RGL3: variants seen among roughly 807,000 people sequenced by gnomAD.
The protein encoded by RGL3 is ral guanine nucleotide dissociation stimulator like 3.
In RGL3, 85 loss-of-function variants were observed where a neutral mutation model predicts 90.6. That is an observed-to-expected ratio of 0.94 (90% CI 0.79 to 1.12). The LOEUF is 1.12. RGL3 is among the 50% of genes most tolerant of loss of function. The pLI is 0.00. For synonymous variants in RGL3, 408 were observed against 385.5 expected (o/e 1.06, Z -0.68); for missense variants, 1,034 against 939.2 (o/e 1.10, Z -1.32).
intron 2 of RGL3, among the ~76,000 whole-genome samples, chr19:11,417,703 C>T (rs1969028477): frequency 6.6e-6 from 1 of 151,792 alleles, no homozygotes; most frequent in South Asian, 2.1e-4. Flanking sequence ...AACTCCTGAC[C>T]TGATGATCCA....
In RGL3 at chr19:11,418,066, C is replaced by T. The variant is rs113628608; in HGVS notation, c.147+605G>A. ...CTGGTCTCCAATTCCTGGCCTTCTG[C>T]CTTGGTCTCTCGAAGCGCAGGGATT... is the stretch of plus-strand genomic sequence containing the variant. On this transcript the variant is annotated intron_variant, in intron 2 of 18. Transcript: ENST00000380456. Among the ~76,000 whole-genome samples the T allele has an allele frequency of 7.0e-3, 1,067 of 152,080 alleles. 14 individuals carry two copies. Among genetic ancestry groups the T allele is most frequent in the African/African-American group, 0.024 (1,011 of 41,474 alleles).
intron 5 of RGL3, among the ~76,000 whole-genome samples, chr19:11,409,839 A>G (rs1411882562): frequency 1.3e-5 from 2 of 152,168 alleles, no homozygotes; most frequent in Admixed American, 1.3e-4. Context: ...CTAGTGGGGC[A>G]TACCCAAGCA....
At chr19:11,413,836 C>T (rs1327930155) in intron 5 of RGL3, among the ~76,000 whole-genome samples, 4 of 148,838 alleles carry the variant, frequency 2.7e-5, no homozygotes, top group Non-Finnish European at 4.5e-5. Flanking sequence ...CTCCGCCTCC[C>T]AGGTTCGCGC....
rs1238303328 is a variant in RGL3, at chr19:11,405,106, T to C, written c.1185+41A>G. ...CCTGGCCCCAAGTCCCTCCCCCGAC[T>C]TCCCGGGCCTAAAATCCCTGGAGTC... On this transcript the variant is annotated intron_variant, in intron 9 of 18. Coordinates refer to ENST00000380456, the MANE Select transcript of RGL3 (RefSeq NM_001035223.4). The C allele has an allele frequency of 1.9e-6, 3 of 1,569,092 alleles. No individual in the cohort carries two copies. In the African/African-American group the frequency reaches 4.1e-5, roughly 21 times the overall value.
chr19:11,414,306 C>CATAT (rs58510644), intron 5 of RGL3, among the ~76,000 whole-genome samples: 3 of 48,744 alleles, frequency 6.2e-5, no homozygotes, highest in African/African-American at 3.3e-4. Context: ...CATATATATA[C>CATAT]ATATATATAT....
Position 11,406,871 on chromosome 19 carries a change from A to G in RGL3, c.638-7T>C, listed in dbSNP as rs1230865854. The G allele has an allele frequency of 3.1e-6, 5 of 1,604,512 alleles. No homozygotes were observed. Among genetic ancestry groups the G allele is most frequent in the African/African-American group, 2.7e-5 (2 of 74,710 alleles). The stretch of plus-strand genomic sequence containing the variant: ...TGGGCAACTCTGGGAGGTCCTGATC[A>G]TTAGAAAGGGTTACAAACTCTCAAG... On this transcript the variant is annotated splice_region_variant and splice_polypyrimidine_tract_variant and intron_variant, in intron 5 of 18. Transcript: ENST00000380456.
chr19:11,416,246 T>C, intron 4 of RGL3, 98 bp from the exon 5 acceptor site: 20 of 837,002 alleles, frequency 2.4e-5, no homozygotes, highest in Non-Finnish European at 3.3e-5. Flanking sequence ...TGAGATAGAG[T>C]CTTACTGTGT....
intron 5 of RGL3, among the ~76,000 whole-genome samples, chr19:11,413,231 G>GAAAAA (rs765531257): frequency 2.2e-5 from 2 of 89,206 alleles, no homozygotes; most frequent in African/African-American, 4.6e-5. Context: ...TTTTGAAAAA[G>GAAAAA]AAAAAAAAAA....
chr19:11,395,811 T>A (rs1023475788), intron 18 of RGL3, among the ~76,000 whole-genome samples: 28 of 151,918 alleles, frequency 1.8e-4, no homozygotes, highest in Admixed American at 2.0e-4. Flanking sequence ...GTATTTTTAG[T>A]AGAGACGAGG....
At position 11,416,086 on chromosome 19, in the gene RGL3, G is replaced by A; in HGVS notation, c.488C>T (p.Pro163Leu). Reference protein sequence around the residue: ...QDHPQDFRDHPAHSDLGSVRT... With the variant: ...QDHPQDFRDHLAHSDLGSVRT... ...GACACTGCCCAGGTCCGAATGGGCAGGGTGGTCTCGGAAATCCTGAGGGTG... is the reference window on the plus strand; with the variant it reads ...GACACTGCCCAGGTCCGAATGGGCAAGGTGGTCTCGGAAATCCTGAGGGTG... The change falls in exon 5 of 19, where the codon CCT becomes CTT. Residue 163 changes from proline (P) to leucine (L), a missense_variant. Physicochemically the swap from Pro to Leu is moderately conservative, Grantham distance 98. Transcript: ENST00000380456. 6.2e-7 allele frequency: 1 copy of A among 1,609,302 alleles called. No individual in the cohort carries two copies. The highest frequency in any genetic ancestry group is 8.5e-7 in the Non-Finnish European group (1 of 1,178,188).
chr19:11,406,905 C>G (rs769235202), intron 5 of RGL3, 41 bp from the exon 6 acceptor site: 2 of 1,583,040 alleles, frequency 1.3e-6, no homozygotes, highest in Admixed American at 1.7e-5. Context: ...AGTTTGAATC[C>G]AAGACTGGCT....
chr19:11,414,280 T>C lies in RGL3; in HGVS notation c.637+1657A>G, dbSNP rs1399371499. On this transcript the variant is annotated intron_variant, in intron 5 of 18. Coordinates refer to ENST00000380456, the MANE Select transcript of RGL3 (RefSeq NM_001035223.4). ...ATATACCTTTATATATATATACCTT[T>C]ATATATATATACCTTCATATATATA... 8.1e-5 allele frequency among the ~76,000 whole-genome samples: 7 copies of C among 86,076 alleles called. 1 individual carries two copies. The highest frequency in any genetic ancestry group is 8.9e-4 in the East Asian group (2 of 2,258). 56.5% of individuals were successfully genotyped at this position (86,076 alleles called of 152,430 possible).
intron 18 of RGL3, among the ~76,000 whole-genome samples, chr19:11,395,426 G>T (rs1387972006): frequency 2.0e-5 from 3 of 152,066 alleles, no homozygotes. Flanking sequence ...TGCTTCCGCG[G>T]CTATCCATTT....
chr19:11,414,507 A>ATATATATATATATATACCTT (rs1968955534), intron 5 of RGL3, among the ~76,000 whole-genome samples: 1 of 112,300 alleles, frequency 8.9e-6, no homozygotes, highest in African/African-American at 3.7e-5. Flanking sequence ...ATATATATAT[A>ATATATATATATATATACCTT]TATATATATA....
chr19:11,416,686 G>C lies in RGL3; in HGVS notation c.372-19C>G. ...CTCTACCCTGGGAAGAGGCCCCCCA[G>C]CAGGTGAAGAAGGGGGAACCTAGAG... On this transcript the variant is annotated intron_variant, in intron 3 of 18. Coordinates refer to ENST00000380456, the MANE Select transcript of RGL3 (RefSeq NM_001035223.4). 2 of 1,613,338 alleles carry C rather than the reference G, an allele frequency of 1.2e-6. No homozygotes were observed. The highest frequency in any genetic ancestry group is 8.5e-7 in the Non-Finnish European group (1 of 1,179,276).
At chr19:11,401,435 G>C (rs548607441) in intron 13 of RGL3, among the ~76,000 whole-genome samples, 6 of 139,764 alleles carry the variant, frequency 4.3e-5, no homozygotes, top group Non-Finnish European at 6.1e-5. Flanking sequence ...TCGCTCTGTT[G>C]CCCAGGCTGG....
intron 18 of RGL3, among the ~76,000 whole-genome samples, chr19:11,396,100 A>ATCTCTCTCTCTC (rs66711304): frequency 2.1e-4 from 7 of 33,932 alleles, no homozygotes; most frequent in African/African-American, 7.5e-4. Flanking sequence ...TGCTCAGCTA[A>ATCTCTCTCTCTC]TCTCTCTCTC....
At chr19:11,402,164 G>GGCCCCCCCCCCC in intron 12 of RGL3, 32 bp from the exon 13 acceptor site, 1 of 1,585,730 alleles carries the variant, frequency 6.3e-7, no homozygotes, top group Non-Finnish European at 8.6e-7. Context: ...CCCTACCCCT[G>GGCCCCCCCCCCC]CCCCACCCCC....
At position 11,406,539 on chromosome 19, in the gene RGL3, G is replaced by C. The variant is rs1221717156; in HGVS notation, c.876C>G (p.Arg292=). The part of the protein sequence containing the change: ...PGAAGASPTV[R]ATVAQFNTVT... ...CGGTGTTGAACTGGGCCACGGTGGCGCGCACAGTGGGGGAGGCGCCTGCAG... is the reference window on the plus strand; with the variant it reads ...CGGTGTTGAACTGGGCCACGGTGGCCCGCACAGTGGGGGAGGCGCCTGCAG... Residue 292 remains arginine, a synonymous_variant, in exon 7 of 19, where the codon CGC becomes CGG. Coordinates refer to ENST00000380456, the MANE Select transcript of RGL3 (RefSeq NM_001035223.4). 6.5e-7 allele frequency: 1 copy of C among 1,550,016 alleles called. No individual in the cohort carries two copies. Among genetic ancestry groups the C allele is most frequent in the Non-Finnish European group, 8.7e-7 (1 of 1,147,982 alleles).
Sources: allele counts gnomAD v4.1 joint callset (sites outside exome capture counted in the v4.1 genomes callset), GRCh38; gene constraint gnomAD v4.1.1; transcripts MANE v1.5; gene names NCBI Gene and HGNC (gene_info 2026-07-23, HGNC 2026-07-21).